Variants in PRDM2 observed in about 807,000 individuals in gnomAD.
PRDM2 encodes the protein PR/SET domain 2.
In PRDM2, 30 loss-of-function variants were observed where a neutral mutation model predicts 130.0. That is an observed-to-expected ratio of 0.23 (90% confidence interval 0.17 to 0.31). The LOEUF (loss-of-function observed/expected upper bound fraction) is 0.31, where lower values mean the gene tolerates loss of function less well. Ranked by LOEUF, PRDM2 falls within the 10% of genes least tolerant of loss-of-function variation. The pLI is 1.00. For missense variants in PRDM2, 2,011 were observed against 2,108.4 expected (o/e 0.95, Z 0.90); for synonymous variants, 871 against 782.4 (o/e 1.11, Z -1.89).
chr1:13,721,326 C>G (rs1642722348), intron 2 of PRDM2, among the ~76,000 whole-genome samples: 1 of 152,010 alleles, frequency 6.6e-6, no homozygotes, highest in Non-Finnish European at 1.5e-5. Context: ...TATCTCTCCC[C>G]CTTTTTTCTA....
chr1:13,716,413 C>T (rs1557596117), intron 2 of PRDM2, among the ~76,000 whole-genome samples: 2 of 151,516 alleles, frequency 1.3e-5, no homozygotes. Flanking sequence ...AACTAACCTG[C>T]ACAATGTGCA....
At chr1:13,702,143 C>A (rs368728183) in intron 1 of PRDM2, among the ~76,000 whole-genome samples, 1 of 151,922 alleles carries the variant, frequency 6.6e-6, no homozygotes, top group African/African-American at 2.4e-5. Flanking sequence ...TGTGGATATG[C>A]GTATTTCTTT....
chr1:13,754,253 G>A (rs7522689), intron 6 of PRDM2, among the ~76,000 whole-genome samples: 14,952 of 152,050 alleles, frequency 0.098, 948 homozygotes, highest in Admixed American at 0.22. Flanking sequence ...TCTGCCAGGC[G>A]CTGCACCAAG....
rs1393031805 is a variant in PRDM2 at position 13,787,374 on chromosome 1, C to T, written c.5036+4543C>T. 3 of 984,740 alleles carry T rather than the reference C, an allele frequency of 3.0e-6. No homozygotes were observed. The African/African-American group carries it at 5.2e-5, about 17-fold the overall frequency. The allele number at this position is 984,740 out of a possible 1,614,324, so 61.0% of individuals were successfully genotyped here. On this transcript the variant is annotated intron_variant, in intron 8 of 9. Coordinates refer to ENST00000311066, the MANE Select transcript of PRDM2 (RefSeq NM_001393986.1). ...TTAAAAACAACAAATTGGCCTCTTC[C>T]TAAGTATATTAATATCATTTATCCT...
chr1:13,742,339 C>T (rs552763238), intron 5 of PRDM2, among the ~76,000 whole-genome samples, 182 bp downstream of exon 5: 9 of 152,278 alleles, frequency 5.9e-5, no homozygotes, highest in Admixed American at 4.6e-4. Context: ...GTAGCCAGGA[C>T]TATGGGCACA....
chr1:13,708,340 A>T (rs1057394785), intron 1 of PRDM2, among the ~76,000 whole-genome samples: 3 of 152,182 alleles, frequency 2.0e-5, no homozygotes, highest in African/African-American at 7.2e-5. Flanking sequence ...CTCTAGGCCC[A>T]TTGGAGCCGG....
intron 1 of PRDM2, among the ~76,000 whole-genome samples, chr1:13,713,105 C>A (rs1488261861): frequency 6.6e-6 from 1 of 152,068 alleles, no homozygotes; most frequent in East Asian, 1.9e-4. Flanking sequence ...CCTTCTCAAT[C>A]CTTCTCTGAC....
chr1:13,791,038 G>A (rs557032112), intron 8 of PRDM2, among the ~76,000 whole-genome samples: 1 of 152,100 alleles, frequency 6.6e-6, no homozygotes, highest in Non-Finnish European at 1.5e-5. Context: ...TGTTCCAAGG[G>A]CACACAACTC....
chr1:13,764,337 G>T (rs1199613511), intron 6 of PRDM2, among the ~76,000 whole-genome samples: 1 of 152,102 alleles, frequency 6.6e-6, no homozygotes, highest in South Asian at 2.1e-4. Context: ...ACATTTTTCA[G>T]GCTACTAAAA....
At position 13,779,207 on chromosome 1, in the gene PRDM2, C is replaced by T; in HGVS notation, c.1412C>T (p.Ser471Phe). ...EKASQDTINS[S>F]VVEENGEVKE... ...GCTTCCCAAGACACAATAAATTCTT[C>T]TGTCGTAGAAGAGAATGGGGAAGTT... The change falls in exon 8 of 10, where the codon TCT (serine) becomes TTT (phenylalanine). Residue 471 changes from serine (S) to phenylalanine (F), a missense_variant. Physicochemically the swap from Ser to Phe is radical, Grantham distance 155. Coordinates refer to ENST00000311066, the MANE Select transcript of PRDM2 (RefSeq NM_001393986.1). This position sits in a 1 kb window ranked among gnomAD's most constrained non-coding sequence, Gnocchi z 4.9. The T allele has an allele frequency of 1.2e-6, 2 of 1,614,180 alleles. No homozygotes were observed. Among genetic ancestry groups the T allele is most frequent in the Non-Finnish European group, 1.7e-6 (2 of 1,180,026 alleles).
intron 8 of PRDM2, among the ~76,000 whole-genome samples, chr1:13,793,291 TCCAATGG>T (rs1157180909): frequency 6.6e-6 from 1 of 152,184 alleles, no homozygotes; most frequent in Non-Finnish European, 1.5e-5. Flanking sequence ...CCAGTGAGGA[TCCAATGG>T]CTGATGGCTG....
rs1645404691 is a variant in PRDM2, at chr1:13,824,620, T to G, written c.*1485T>G. 6.6e-6 allele frequency: 1 copy of G among 152,190 alleles called. No homozygotes were observed. The highest frequency in any genetic ancestry group is 1.5e-5 in the Non-Finnish European group (1 of 68,040). The allele number at this position is 152,190 out of a possible 1,614,324, so 9.4% of individuals were successfully genotyped here. The stretch of plus-strand genomic sequence containing the variant: ...CACCCAGCTAAAAACCGTTGTTTGC[T>G]TTAAATTTTCATAAACTGGAATCCT... On this transcript the variant is annotated 3_prime_UTR_variant, in exon 10 of 10. Transcript: ENST00000311066.
At chr1:13,801,881 T>G (rs529970649) in intron 8 of PRDM2, among the ~76,000 whole-genome samples, 74 of 152,312 alleles carry the variant, frequency 4.9e-4, no homozygotes, top group African/African-American at 1.7e-3. Flanking sequence ...CTGGCTGGGC[T>G]GGGTGTCTGT....
chr1:13,812,889 G>T (rs995119136), intron 8 of PRDM2, among the ~76,000 whole-genome samples: 14 of 152,270 alleles, frequency 9.2e-5, no homozygotes, highest in African/African-American at 3.1e-4. Flanking sequence ...CTGTTGGCAG[G>T]CTGGCAGGGA....
rs1175462490 is a variant in PRDM2, at chr1:13,823,382, G to A, written c.*247G>A. ...GCGGCAGGAAGGGGGCCGACTCCAC[G>A]CTGTCCTTTGGGATGATACTTGGAT... On this transcript the variant is annotated 3_prime_UTR_variant, in exon 10 of 10. Transcript: ENST00000311066. 4 of 632,646 alleles carry A rather than the reference G, an allele frequency of 6.3e-6. No homozygotes were observed. Among genetic ancestry groups the A allele is most frequent in the East Asian group, 2.8e-5 (1 of 35,732 alleles). 39.2% of individuals were successfully genotyped at this position (632,646 alleles called of 1,614,324 possible).
intron 6 of PRDM2, among the ~76,000 whole-genome samples, chr1:13,752,511 A>G (rs553292852): frequency 4.9e-4 from 75 of 152,340 alleles, no homozygotes; most frequent in Non-Finnish European, 8.4e-4. Flanking sequence ...AATAGCATAG[A>G]AACGGTCAAA....
At chr1:13,723,827 A>C (rs1185828964) in intron 2 of PRDM2, among the ~76,000 whole-genome samples, 1 of 152,080 alleles carries the variant, frequency 6.6e-6, no homozygotes, top group Admixed American at 6.5e-5. Flanking sequence ...ATTGCCAGGC[A>C]TTTGTTTGCC....
chr1:13,776,467 G>A (rs761467691), intron 7 of PRDM2, among the ~76,000 whole-genome samples: 1 of 152,172 alleles, frequency 6.6e-6, no homozygotes, highest in South Asian at 2.1e-4. Context: ...TACAGCTTCC[G>A]TCTTTAAGAA....
At chr1:13,764,597 C>A (rs575020933) in intron 6 of PRDM2, among the ~76,000 whole-genome samples, 1 of 152,354 alleles carries the variant, frequency 6.6e-6, no homozygotes, top group Non-Finnish European at 1.5e-5. Context: ...AAAGCTCGGA[C>A]TCCCTTCCGA....
Sources: gnomAD v4.1 joint callset for allele counts (sites outside exome capture counted in the v4.1 genomes callset) on GRCh38, gnomAD v4.1.1 for gene constraint, Gnocchi (gnomAD v3.1) non-coding constraint, MANE v1.5 for transcripts, NCBI Gene and HGNC (gene_info 2026-07-23, HGNC 2026-07-21) for gene names.